Variants in SH3BGRL2 observed in about 807,000 individuals in gnomAD.
The protein encoded by SH3BGRL2 is SH3 domain binding glutamate rich protein like 2.
In SH3BGRL2, 21 loss-of-function variants were observed where a neutral mutation model predicts 14.8. That is an observed-to-expected ratio of 1.42 (90% CI 1.01 to 2.05). The LOEUF (loss-of-function observed/expected upper bound fraction) is 2.05. SH3BGRL2 is among the 30% of genes most tolerant of loss of function. The pLI, the probability that SH3BGRL2 is intolerant of heterozygous loss-of-function variation, is 0.00. For missense variants in SH3BGRL2, 147 were observed against 130.8 expected (o/e 1.12, Z -0.61); for synonymous variants, 50 against 47.8 (o/e 1.05, Z -0.19).
the SH3BGRL2 span, among the ~76,000 whole-genome samples, chr6:79,607,652 TA>T: frequency 1.3e-5 from 2 of 152,016 alleles, no homozygotes; most frequent in Admixed American, 1.3e-4. Context: ...GGGTAATTTA[TA>T]AAGAAAAGAG....
At chr6:79,634,040 A>T (rs1768875898) in intron 1 of SH3BGRL2, among the ~76,000 whole-genome samples, 1 of 152,248 alleles carries the variant, frequency 6.6e-6, no homozygotes, top group African/African-American at 2.4e-5. Context: ...TTCTTGAGTC[A>T]GTTTGGTTTT....
chr6:79,648,532 A>G (rs994852818), intron 1 of SH3BGRL2, among the ~76,000 whole-genome samples: 1 of 151,120 alleles, frequency 6.6e-6, no homozygotes, highest in Non-Finnish European at 1.5e-5. Flanking sequence ...TTGCCCTCCA[A>G]ACTGAGAGAT....
chr6:79,638,762 T>C (rs1434915770), intron 1 of SH3BGRL2, among the ~76,000 whole-genome samples: 1 of 152,212 alleles, frequency 6.6e-6, no homozygotes, highest in Admixed American at 6.5e-5. Flanking sequence ...GAGCTATCTG[T>C]TTAGATCACT....
chr6:79,677,494 T>C (rs1254449255), intron 2 of SH3BGRL2, among the ~76,000 whole-genome samples: 1 of 152,174 alleles, frequency 6.6e-6, no homozygotes, highest in Non-Finnish European at 1.5e-5. Flanking sequence ...GGGGATGATG[T>C]AGAAATACGA....
the SH3BGRL2 span, among the ~76,000 whole-genome samples, chr6:79,554,846 T>C: frequency 6.6e-6 from 1 of 152,190 alleles, no homozygotes; most frequent in Non-Finnish European, 1.5e-5. Context: ...AGATAATTTC[T>C]TAATAAACCC....
chr6:79,678,518 GTTTA>G (rs1330973276), intron 2 of SH3BGRL2, among the ~76,000 whole-genome samples: 1 of 152,028 alleles, frequency 6.6e-6, no homozygotes, highest in East Asian at 1.9e-4. Flanking sequence ...GCCACATTTT[GTTTA>G]TTTATTCATC....
intron 3 of SH3BGRL2, among the ~76,000 whole-genome samples, chr6:79,698,131 C>T (rs1274341219): frequency 6.6e-6 from 1 of 152,076 alleles, no homozygotes; most frequent in Non-Finnish European, 1.5e-5. Flanking sequence ...CCCATTCAGC[C>T]CACCGTTTTC....
chr6:79,684,840 T>C (rs1233728401), intron 2 of SH3BGRL2, among the ~76,000 whole-genome samples: 3 of 152,208 alleles, frequency 2.0e-5, no homozygotes, highest in African/African-American at 7.2e-5. Flanking sequence ...GCCTTCTGTC[T>C]AAAAGATCAG....
intron 2 of SH3BGRL2, among the ~76,000 whole-genome samples, chr6:79,692,616 C>T (rs1393058266): frequency 6.6e-6 from 1 of 152,202 alleles, no homozygotes; most frequent in Non-Finnish European, 1.5e-5. Context: ...AATAGAGACT[C>T]CTTTCCCCAT....
chr6:79,544,723 T>C, the SH3BGRL2 span, among the ~76,000 whole-genome samples: 8 of 152,200 alleles, frequency 5.3e-5, no homozygotes, highest in Non-Finnish European at 1.2e-4. Context: ...TGTCTCTTCA[T>C]GAGTAACAAC....
At chr6:79,648,427 C>CT (rs1562146836) in intron 1 of SH3BGRL2, among the ~76,000 whole-genome samples, 1 of 150,410 alleles carries the variant, frequency 6.6e-6, no homozygotes, top group African/African-American at 2.4e-5. Flanking sequence ...ATTGTGCTCA[C>CT]TTTGCATTGT....
chr6:79,658,387 G>A (rs929997620), intron 1 of SH3BGRL2, among the ~76,000 whole-genome samples: 2 of 152,162 alleles, frequency 1.3e-5, no homozygotes, highest in Non-Finnish European at 2.9e-5. Flanking sequence ...GTGAGAACAT[G>A]CGTTGTTTGG....
intron 2 of SH3BGRL2, among the ~76,000 whole-genome samples, chr6:79,680,362 G>A (rs575839336): frequency 2.0e-5 from 3 of 152,090 alleles, no homozygotes; most frequent in East Asian, 3.9e-4. Flanking sequence ...GAGTGGTCTT[G>A]GTATGCTTGT....
At chr6:79,568,941 G>A in the SH3BGRL2 span, among the ~76,000 whole-genome samples, 306 of 152,236 alleles carry the variant, frequency 2.0e-3, 1 homozygote, top group African/African-American at 6.8e-3. Flanking sequence ...GAGTCAAACT[G>A]TAGAATATTG....
At chr6:79,563,282 T>G in the SH3BGRL2 span, among the ~76,000 whole-genome samples, 1 of 151,836 alleles carries the variant, frequency 6.6e-6, no homozygotes, top group East Asian at 1.9e-4. Context: ...CGGCCTCATT[T>G]TTGTATTTTT....
At chr6:79,648,644 CCTGTT>C (rs1562146885) in intron 1 of SH3BGRL2, among the ~76,000 whole-genome samples, 1 of 151,920 alleles carries the variant, frequency 6.6e-6, no homozygotes, top group Non-Finnish European at 1.5e-5. Flanking sequence ...CGGTTAGGGA[CCTGTT>C]CTGTTTATCT....
chr6:79,599,355 TAATATTTATAACA>T, the SH3BGRL2 span, among the ~76,000 whole-genome samples: 2 of 145,880 alleles, frequency 1.4e-5, no homozygotes, highest in African/African-American at 5.1e-5. Flanking sequence ...AGACATGTAA[TAATATTTATAACA>T]GATCTTTTTT....
At chr6:79,560,180 C>G in the SH3BGRL2 span, among the ~76,000 whole-genome samples, 1 of 151,998 alleles carries the variant, frequency 6.6e-6, no homozygotes, top group South Asian at 2.1e-4. Context: ...CGAATATGAC[C>G]TAAACAAAGT....
At chr6:79,572,619 C>T in the SH3BGRL2 span, among the ~76,000 whole-genome samples, 1 of 152,120 alleles carries the variant, frequency 6.6e-6, no homozygotes, top group South Asian at 2.1e-4. Context: ...GCGCCCGCCA[C>T]CACGCCCGGC....
Sources: gnomAD v4.1 joint callset for allele counts (sites outside exome capture counted in the v4.1 genomes callset) on GRCh38, gnomAD v4.1.1 for gene constraint, MANE v1.5 for transcripts, NCBI Gene and HGNC (gene_info 2026-07-23, HGNC 2026-07-21) for gene names.